MKLN1: variants seen among roughly 807,000 people sequenced by gnomAD.
MKLN1 encodes muskelin 1.
Under a neutral mutation model 99.0 loss-of-function variants are expected in MKLN1, and 18 were observed. The observed-to-expected ratio is 0.18, with a 90% CI of 0.13 to 0.27. MKLN1 has a LOEUF of 0.27. Ranked by LOEUF, MKLN1 falls within the 10% of genes least tolerant of loss-of-function variation. MKLN1 has a pLI of 1.00. For synonymous variants in MKLN1, 288 were observed against 293.2 expected (o/e 0.98, Z 0.18); for missense variants, 621 against 875.9 (o/e 0.71, Z 3.67).
intron 1 of MKLN1, among the ~76,000 whole-genome samples, chr7:131,137,290 C>A (rs543376051): frequency 5.3e-5 from 8 of 152,090 alleles, no homozygotes; most frequent in Non-Finnish European, 1.0e-4. Flanking sequence ...AAATGTTACC[C>A]CCCAAATTGA....
chr7:131,115,257 G>A (rs1795256921), intron 1 of MKLN1, among the ~76,000 whole-genome samples: 1 of 152,148 alleles, frequency 6.6e-6, no homozygotes, highest in Non-Finnish European at 1.5e-5. Flanking sequence ...CAAATTAAAT[G>A]GCATTACCAC....
At chr7:131,346,202 G>T (rs1563303644) in intron 1 of MKLN1, among the ~76,000 whole-genome samples, 1 of 152,224 alleles carries the variant, frequency 6.6e-6, no homozygotes, top group East Asian at 1.9e-4. Context: ...ACTTTTAAAA[G>T]AACACATATA....
intron 3 of MKLN1, among the ~76,000 whole-genome samples, chr7:131,302,708 A>T (rs547443537): frequency 6.6e-6 from 1 of 152,328 alleles, no homozygotes; most frequent in Non-Finnish European, 1.5e-5. Flanking sequence ...AACCGGGATT[A>T]ACTTGGAACC....
intron 1 of MKLN1, among the ~76,000 whole-genome samples, chr7:131,117,448 A>AAC (rs1338648041): frequency 2.6e-5 from 4 of 151,198 alleles, no homozygotes; most frequent in Non-Finnish European, 5.9e-5. Context: ...CAACAACAAC[A>AAC]ACAACAACAA....
chr7:131,123,049 A>AAAAAAAAAAT (rs1795400485), intron 1 of MKLN1, among the ~76,000 whole-genome samples: 1 of 150,268 alleles, frequency 6.7e-6, no homozygotes, highest in African/African-American at 2.4e-5. Context: ...AAAAAAAAAA[A>AAAAAAAAAAT]GTGTTGCTGC....
At chr7:131,415,718 A>G (rs1274869230) in intron 8 of MKLN1, among the ~76,000 whole-genome samples, 1 of 151,984 alleles carries the variant, frequency 6.6e-6, no homozygotes, top group Non-Finnish European at 1.5e-5. Context: ...AGTCTTAGGC[A>G]TCTTTTTTTC....
chr7:131,339,494 C>G (rs1799343544), intron 1 of MKLN1, among the ~76,000 whole-genome samples: 1 of 152,142 alleles, frequency 6.6e-6, no homozygotes, highest in South Asian at 2.1e-4. Context: ...CACTTGAGGT[C>G]AGGAATTCAG....
intron 3 of MKLN1, among the ~76,000 whole-genome samples, chr7:131,240,560 T>C (rs62471994): frequency 0.017 from 2,522 of 152,328 alleles, 35 homozygotes; most frequent in South Asian, 0.035. Flanking sequence ...ATTTTTCTGA[T>C]GGAGATATTA....
chr7:131,443,452 C>G, intron 10 of MKLN1, 29 bp from the exon 11 acceptor site: 2 of 1,495,754 alleles, frequency 1.3e-6, no homozygotes, highest in Non-Finnish European at 1.9e-6. Context: ...CAAACTAAAA[C>G]TATTCAATCT....
chr7:131,276,068 A>G (rs4728215), intron 3 of MKLN1, among the ~76,000 whole-genome samples: 53,114 of 152,050 alleles, frequency 0.35, 10,823 homozygotes, highest in African/African-American at 0.57. Context: ...TTCATCAATC[A>G]GATTAAGTCA....
chr7:131,171,070 C>T (rs965637163), intron 2 of MKLN1, among the ~76,000 whole-genome samples: 4 of 152,102 alleles, frequency 2.6e-5, no homozygotes, highest in African/African-American at 7.2e-5. Context: ...TTAAACAACC[C>T]GACATCATAA....
chr7:131,170,363 G>GTTTT (rs1471898333), intron 2 of MKLN1, among the ~76,000 whole-genome samples: 1 of 152,138 alleles, frequency 6.6e-6, no homozygotes, highest in Non-Finnish European at 1.5e-5. Context: ...ACACGGATAT[G>GTTTT]TTATATTGGC....
rs3800677 is a variant in MKLN1 at position 131,388,731 on chromosome 7, A to G, written c.312-153A>G. ...GATTTGAATGTACCGGTTTTGACCT[A>G]TATGCCCATGTTCAACTACTTGTTT... is the stretch of plus-strand genomic sequence containing the variant. On this transcript the variant is annotated intron_variant, in intron 3 of 17. Transcript: ENST00000352689. Among the ~76,000 whole-genome samples the G allele has an allele frequency of 6.7e-3, 1,017 of 152,282 alleles. 69 individuals are homozygous for G. The East Asian group carries it at 0.14, about 21-fold the overall frequency.
At chr7:131,186,315 G>A (rs1210789699) in intron 2 of MKLN1, among the ~76,000 whole-genome samples, 4 of 152,110 alleles carry the variant, frequency 2.6e-5, no homozygotes, top group Admixed American at 6.6e-5. Context: ...ACCAGCCTGG[G>A]CAACATAGCA....
At chr7:131,227,527 T>TTCTTTCTTTCTTTCTTTCTTTCTC (rs1253558489) in intron 3 of MKLN1, among the ~76,000 whole-genome samples, 4 of 149,308 alleles carry the variant, frequency 2.7e-5, no homozygotes, top group Non-Finnish European at 5.9e-5. Context: ...CTTTCTTTCT[T>TTCTTTCTTTCTTTCTTTCTTTCTC]TCTTTCTTTC....
At chr7:131,428,202 G>A (rs1795415869) in intron 8 of MKLN1, among the ~76,000 whole-genome samples, 1 of 151,928 alleles carries the variant, frequency 6.6e-6, no homozygotes, top group East Asian at 1.9e-4. Flanking sequence ...AATAAAGAAG[G>A]ATCTATGATA....
rs60323728 is a variant in MKLN1, at chr7:131,376,095, AATATATATATATATATAT to A, written c.168+625_168+642del. On this transcript the variant is annotated intron_variant, in intron 2 of 17. Transcript: ENST00000352689. ...TTTTAATTGTAGTATAATTCATGGA[AATATATATATATATATAT>A]ATATATATATATATATATATATGTA... Among the ~76,000 whole-genome samples the A allele has an allele frequency of 4.5e-3, 485 of 108,082 alleles. 7 individuals are homozygous for A. The highest frequency in any genetic ancestry group is 0.011 in the East Asian group (49 of 4,276). The allele number at this position is 108,082 out of a possible 152,430, so 70.9% of individuals were successfully genotyped here.
chr7:131,411,303 C>T lies in MKLN1; in HGVS notation c.704-3C>T, dbSNP rs779366072. 1.2e-5 allele frequency: 19 copies of T among 1,583,292 alleles called. No individual in the cohort carries two copies. Among genetic ancestry groups the T allele is most frequent in the African/African-American group, 5.4e-5 (4 of 74,166 alleles). On this transcript the variant is annotated splice_polypyrimidine_tract_variant and splice_region_variant and intron_variant, in intron 6 of 17. Transcript: ENST00000352689. ...ATTCTTTCTCATTCTTCAATATTTGCAGATGGCTTGTTCAATCAGTATATC... is the reference window on the plus strand; with the variant it reads ...ATTCTTTCTCATTCTTCAATATTTGTAGATGGCTTGTTCAATCAGTATATC...
intron 10 of MKLN1, among the ~76,000 whole-genome samples, 157 bp from the exon 11 acceptor site, chr7:131,443,324 A>G (rs1584747998): frequency 6.6e-6 from 1 of 152,344 alleles, no homozygotes; most frequent in South Asian, 2.1e-4. Context: ...AAAATTATTT[A>G]GAAACTTGCA....
Sources: allele counts gnomAD v4.1 joint callset (sites outside exome capture counted in the v4.1 genomes callset), GRCh38; gene constraint gnomAD v4.1.1; transcripts MANE v1.5; gene names NCBI Gene and HGNC (gene_info 2026-07-23, HGNC 2026-07-21).